The following RANBP2 variants were observed in gnomAD, a reference collection of about 807,000 sequenced individuals.
RANBP2 encodes the protein RAN binding protein 2.
Under a neutral mutation model 303.6 loss-of-function variants are expected in RANBP2, and 57 were observed. That is an observed-to-expected ratio of 0.19 (90% CI 0.15 to 0.23). The LOEUF is 0.23. Ranked by LOEUF, RANBP2 falls within the 10% of genes least tolerant of loss-of-function variation. The pLI is 1.00. For missense variants in RANBP2, 3,138 were observed against 3,780.8 expected, an observed-to-expected ratio of 0.83 and a Z score of 4.46; for synonymous variants, 1,167 against 1,301.5, an observed-to-expected ratio of 0.90 and a Z score of 2.23.
chr2:109,545,110 G>C, the RANBP2 span: 83 of 985,308 alleles, frequency 8.4e-5, no homozygotes, highest in Non-Finnish European at 9.9e-5. Flanking sequence ...GATGCAGTGA[G>C]AGCATTAAAC....
At chr2:109,347,985 T>C in the RANBP2 span, 1 of 1,562,960 alleles carries the variant, frequency 6.4e-7, no homozygotes, top group Non-Finnish European at 8.7e-7. Context: ...CGCCAGCCCA[T>C]GCAGCCTCTG....
the RANBP2 span, among the ~76,000 whole-genome samples, chr2:109,481,516 C>T: frequency 2.0e-5 from 3 of 151,962 alleles, no homozygotes; most frequent in South Asian, 2.1e-4. Context: ...TGTTATTGCT[C>T]GGGAAGTTTC....
At position 108,740,587 on chromosome 2, in the gene RANBP2, G is replaced by C. The variant is rs543758355; in HGVS notation, c.881G>C (p.Gly294Ala). 6.3e-7 allele frequency: 1 copy of C among 1,597,536 alleles called. No homozygotes were observed. Among genetic ancestry groups the C allele is most frequent in the South Asian group, 1.1e-5 (1 of 90,984 alleles). ...EMKGHFYMHA[G>A]SLLLKMGQHS... ...AAAGGACATTTCTACATGCATGCTGGTTCTCTGCTTTTGAAGATGGGTCAG... is the reference window on the plus strand; with the variant it reads ...AAAGGACATTTCTACATGCATGCTGCTTCTCTGCTTTTGAAGATGGGTCAG... Residue 294 changes from glycine (G) to alanine (A), a missense_variant, in exon 7 of 29, where the codon GGT (glycine) becomes GCT (alanine). Gly to Ala is a moderately conservative substitution (Grantham distance 60). This residue lies in a region of RANBP2 where 306 missense variants were observed against 381.9 expected (regional missense o/e 0.80). Transcript: ENST00000283195.
the RANBP2 span, among the ~76,000 whole-genome samples, chr2:109,556,497 G>A: frequency 6.6e-6 from 1 of 152,190 alleles, no homozygotes; most frequent in Non-Finnish European, 1.5e-5. Context: ...TTTGAGGCAT[G>A]TACAGGAGGG....
the RANBP2 span, among the ~76,000 whole-genome samples, chr2:108,886,735 A>ATT: frequency 2.7e-5 from 4 of 149,226 alleles, no homozygotes; most frequent in African/African-American, 1.0e-4. Context: ...TTTTAATGGG[A>ATT]TTTAAAAAAA....
the RANBP2 span, among the ~76,000 whole-genome samples, chr2:108,948,417 GC>G: frequency 1.3e-4 from 20 of 152,274 alleles, no homozygotes; most frequent in South Asian, 3.9e-3. Flanking sequence ...TGTCTTTATA[GC>G]AGTACCCCAA....
the RANBP2 span, among the ~76,000 whole-genome samples, chr2:108,805,412 A>G: frequency 3.3e-5 from 5 of 152,248 alleles, no homozygotes; most frequent in East Asian, 7.7e-4. Flanking sequence ...CTGGTATCAC[A>G]TTGCAGTATA....
the RANBP2 span, among the ~76,000 whole-genome samples, chr2:109,078,268 GTATA>G: frequency 0.081 from 3,729 of 46,196 alleles, 491 homozygotes; most frequent in Middle Eastern, 0.12. Flanking sequence ...TATATAGCGC[GTATA>G]TATATATATA....
the RANBP2 span, among the ~76,000 whole-genome samples, chr2:109,009,562 C>T: frequency 6.6e-6 from 1 of 152,054 alleles, no homozygotes; most frequent in Non-Finnish European, 1.5e-5. Context: ...CTCTGTCACT[C>T]TCACCCAGGG....
At chr2:109,272,956 A>AT in the RANBP2 span, among the ~76,000 whole-genome samples, 1 of 152,160 alleles carries the variant, frequency 6.6e-6, no homozygotes, top group African/African-American at 2.4e-5. Context: ...AAGGACCCGT[A>AT]TTTTTTCCCT....
the RANBP2 span, among the ~76,000 whole-genome samples, chr2:109,210,328 A>G: frequency 6.6e-6 from 1 of 152,220 alleles, no homozygotes; most frequent in Non-Finnish European, 1.5e-5. Context: ...CCTAAAAATG[A>G]TATTTCAAGA....
chr2:109,140,243 A>C, the RANBP2 span, among the ~76,000 whole-genome samples: 1 of 152,262 alleles, frequency 6.6e-6, no homozygotes, highest in African/African-American at 2.4e-5. Context: ...ACGTGTTTGG[A>C]GTTCTCTCTC....
the RANBP2 span, among the ~76,000 whole-genome samples, chr2:109,019,576 C>T: frequency 0.022 from 3,389 of 152,272 alleles, 125 homozygotes; most frequent in African/African-American, 0.077. Flanking sequence ...AAGGGAAGAA[C>T]ACCCGACATG....
chr2:109,553,243 T>C, the RANBP2 span: 22 of 1,611,734 alleles, frequency 1.4e-5, no homozygotes, highest in Non-Finnish European at 1.7e-5. Context: ...TGTGTTACTC[T>C]CCTGCTAAAA....
the RANBP2 span, among the ~76,000 whole-genome samples, chr2:109,008,953 C>A: frequency 9.9e-5 from 15 of 151,480 alleles, no homozygotes; most frequent in African/African-American, 3.6e-4. Flanking sequence ...GTTACCTCTC[C>A]TTTATATCTA....
chr2:109,292,273 A>G, the RANBP2 span, among the ~76,000 whole-genome samples: 4 of 152,232 alleles, frequency 2.6e-5, no homozygotes, highest in Non-Finnish European at 5.9e-5. Flanking sequence ...ATAGGAAATA[A>G]AAGTTGCCCT....
At chr2:109,099,491 G>A in the RANBP2 span, among the ~76,000 whole-genome samples, 1 of 152,144 alleles carries the variant, frequency 6.6e-6, no homozygotes, top group African/African-American at 2.4e-5. Context: ...GAAGTCTAAT[G>A]GTGGTTAGCA....
chr2:108,763,161 G>T, intron 19 of RANBP2, 76 bp from the exon 20 acceptor site: 1 of 1,471,592 alleles, frequency 6.8e-7, no homozygotes, highest in Non-Finnish European at 9.4e-7. Context: ...TTTGAAGTTT[G>T]TGAGAATTGG....
At chr2:109,241,771 T>G in the RANBP2 span, among the ~76,000 whole-genome samples, 10 of 151,232 alleles carry the variant, frequency 6.6e-5, no homozygotes, top group East Asian at 1.9e-3. Context: ...TTGAATAATT[T>G]TTTTTTTTTT....
Sources: allele counts gnomAD v4.1 joint callset (sites outside exome capture counted in the v4.1 genomes callset), GRCh38; gene constraint gnomAD v4.1.1; regional missense constraint gnomAD v4.1.1; transcripts MANE v1.5; gene names NCBI Gene and HGNC (gene_info 2026-07-23, HGNC 2026-07-21).